The following GRIP2 variants were observed in gnomAD, a reference collection of about 807,000 sequenced individuals.
GRIP2 encodes glutamate receptor interacting protein 2.
A neutral mutation model predicts 108.3 loss-of-function variants in GRIP2; 58 were observed. The observed-to-expected ratio is 0.54, with a 90% CI of 0.43 to 0.67. The LOEUF is 0.67. GRIP2 is among the 30% of genes least tolerant of loss of function. The probability of loss-of-function intolerance (pLI) is 0.00; values close to 1 mark genes in which losing one functional copy is unlikely to be tolerated. For synonymous variants in GRIP2, 586 were observed against 598.2 expected, an observed-to-expected ratio of 0.98 and a Z score of 0.30; for missense variants, 1,278 against 1,430.6, an observed-to-expected ratio of 0.89 and a Z score of 1.72.
chr3:14,542,153 A>ATTTTTTT (rs568064161), upstream of GRIP2: 1 of 990,730 alleles, frequency 1.0e-6, no homozygotes, highest in Non-Finnish European at 1.3e-6. Context: ...TTTATTTTTT[A>ATTTTTTT]TTTTTTTTAT....
At chr3:14,555,795 G>A in intron 1 of GRIP2, 1 of 399,586 alleles carries the variant, frequency 2.5e-6, no homozygotes, top group Non-Finnish European at 4.4e-6. Context: ...AACCCAAAAG[G>A]CTCCGCGAGA....
At chr3:14,544,075 T>C (rs756424307), upstream of GRIP2, among the ~76,000 whole-genome samples, 127 of 152,266 alleles carry the variant, frequency 8.3e-4, 1 homozygote, top group Non-Finnish European at 1.6e-4. Context: ...AGCACACAGG[T>C]CAGACATGCC....
At chr3:14,575,741 G>A in the GRIP2 span, among the ~76,000 whole-genome samples, 466 of 152,338 alleles carry the variant, frequency 3.1e-3, 3 homozygotes, top group Non-Finnish European at 5.5e-3. Flanking sequence ...AGGGGCTGTC[G>A]TAAGGGAGGC....
rs778402500 is a variant in GRIP2 at position 14,513,719 on chromosome 3, G to A, written c.1585C>T (p.Arg529Trp). The A allele has an allele frequency of 2.1e-5, 34 of 1,610,132 alleles. No individual in the cohort carries two copies. Among genetic ancestry groups the A allele is most frequent in the East Asian group, 6.7e-5 (3 of 44,736 alleles). The change falls in exon 13 of 24, where the codon CGG becomes TGG. Residue 529 changes from arginine to tryptophan, a missense_variant. By Grantham distance (101) the Arg-to-Trp change is moderately radical. Coordinates refer to ENST00000621039, the MANE Select transcript of GRIP2 (RefSeq NM_001080423.4). Reference sequence around the variant, plus strand: ...ACCTTGTGGGCCAGTGCGGCGTCCCGCAGGAGCTGGTTGGCTTCCTCCATA... The same window carrying A: ...ACCTTGTGGGCCAGTGCGGCGTCCCACAGGAGCTGGTTGGCTTCCTCCATA... ...GTMEEANQLL[R>W]DAALAHKVVL...
the GRIP2 span, among the ~76,000 whole-genome samples, chr3:14,570,699 A>C: frequency 4.6e-5 from 7 of 152,272 alleles, no homozygotes; most frequent in South Asian, 1.5e-3. Flanking sequence ...TTTTTCTCAA[A>C]TGTATCAGTC....
At chr3:14,554,226 A>T (rs913600500) in intron 1 of GRIP2, among the ~76,000 whole-genome samples, 7 of 152,202 alleles carry the variant, frequency 4.6e-5, no homozygotes, top group Non-Finnish European at 8.8e-5. Flanking sequence ...AGGGAGTAAG[A>T]GCCAGAACAA....
intron 17 of GRIP2, among the ~76,000 whole-genome samples, chr3:14,508,737 A>G (rs779184425): frequency 2.6e-5 from 4 of 152,170 alleles, no homozygotes; most frequent in Non-Finnish European, 4.4e-5. Flanking sequence ...CACACCAGAT[A>G]CGGAAGGTGT....
At chr3:14,562,896 G>A in the GRIP2 span, among the ~76,000 whole-genome samples, 1 of 152,132 alleles carries the variant, frequency 6.6e-6, no homozygotes, top group Non-Finnish European at 1.5e-5. Context: ...TCCAGCTTTA[G>A]CCCCAAATAT....
At chr3:14,602,865 G>A in the GRIP2 span, among the ~76,000 whole-genome samples, 4 of 151,182 alleles carry the variant, frequency 2.6e-5, no homozygotes, top group Non-Finnish European at 5.9e-5. This position sits in a 1 kb window ranked among gnomAD's most constrained non-coding sequence, Gnocchi z 4.7. Flanking sequence ...CTCAGCTCTG[G>A]GTCCGCCCTC....
rs1694414030 is a variant in GRIP2, at chr3:14,521,697, C to T, written c.657G>A (p.Leu219=). The change falls in exon 7 of 24, where the codon CTG becomes CTA. Residue 219 remains leucine, a synonymous_variant. Coordinates refer to ENST00000621039, the MANE Select transcript of GRIP2 (RefSeq NM_001080423.4). This position sits in a 1 kb window ranked among gnomAD's most constrained non-coding sequence, Gnocchi z 5.1. ...AGAGTGCCTCGTGGCTGCACTGCCGCAGGGTGGCCAGGGCGGTGGCATGGC... is the reference window on the plus strand; with the variant it reads ...AGAGTGCCTCGTGGCTGCACTGCCGTAGGGTGGCCAGGGCGGTGGCATGGC... ...GASHATALAT[L]RQCSHEALFQ... 4 of 1,611,606 alleles carry T rather than the reference C, an allele frequency of 2.5e-6. No homozygotes were observed. Among genetic ancestry groups the T allele is most frequent in the African/African-American group, 1.3e-5 (1 of 74,904 alleles).
At position 14,522,833 on chromosome 3, in the gene GRIP2, A is replaced by G. The variant is rs1198607693; in HGVS notation, c.566+167T>C. On this transcript the variant is annotated intron_variant, in intron 6 of 23. Coordinates refer to ENST00000621039, the MANE Select transcript of GRIP2 (RefSeq NM_001080423.4). This position sits in a 1 kb window ranked among gnomAD's most constrained non-coding sequence, Gnocchi z 4.3. ...CGAGGTTTCCCTCATTTGGGGTTAC[A>G]TCCCGGTTCCATCAACAACTCCCTG... The G allele has an allele frequency of 2.9e-5, 18 of 617,062 alleles. No individual in the cohort carries two copies. In the Admixed American group the frequency reaches 4.8e-4, roughly 16 times the overall value. 38.2% of individuals were successfully genotyped at this position (617,062 alleles called of 1,614,324 possible). A position where few individuals can be genotyped will look rare whatever the true frequency, so the allele number is the denominator to read the frequency against.
rs993685634 is a variant in GRIP2 at position 14,521,195 on chromosome 3, C to G, written c.712+447G>C. On this transcript the variant is annotated intron_variant, in intron 7 of 23. Coordinates refer to ENST00000621039, the MANE Select transcript of GRIP2 (RefSeq NM_001080423.4). This position sits in a 1 kb window ranked among gnomAD's most constrained non-coding sequence, Gnocchi z 5.1. ...ACTGTGACCAACCATGCTGGCCATGCTCCTGCCTCAGGGCCTTTGCACTTA... is the reference window on the plus strand; with the variant it reads ...ACTGTGACCAACCATGCTGGCCATGGTCCTGCCTCAGGGCCTTTGCACTTA... 1 of 166,902 alleles carries G rather than the reference C, an allele frequency of 6.0e-6. No individual in the cohort carries two copies. The highest frequency in any genetic ancestry group is 6.0e-5 in the Admixed American group (1 of 16,774). The allele number at this position is 166,902 out of a possible 1,614,324, so 10.3% of individuals were successfully genotyped here. A position where few individuals can be genotyped will look rare whatever the true frequency, so the allele number is the denominator to read the frequency against.
At chr3:14,535,323 C>T (rs1373644651) in intron 1 of GRIP2, among the ~76,000 whole-genome samples, 1 of 152,188 alleles carries the variant, frequency 6.6e-6, no homozygotes, top group South Asian at 2.1e-4. Flanking sequence ...CAAGTCACTT[C>T]TCTCTGAGCC....
In GRIP2 at chr3:14,513,681, C is replaced by T; in HGVS notation, c.1623G>A (p.Val541=). The change falls in exon 13 of 24, where the codon GTG becomes GTA. Residue 541 remains valine (V), a synonymous_variant. Transcript: ENST00000621039. ...CTCACTCACCCGCCACATCGAACTC[C>T]ACCTCCAGCACGACCTTGTGGGCCA... The part of the protein sequence containing the change: ...AALAHKVVLE[V]EFDVAESVIP... 6.2e-7 allele frequency: 1 copy of T among 1,610,302 alleles called. No individual in the cohort carries two copies. The highest frequency in any genetic ancestry group is 8.5e-7 in the Non-Finnish European group (1 of 1,178,512).
Position 14,535,995 on chromosome 3 carries a change from G to A in GRIP2, c.40+4274C>T, listed in dbSNP as rs574446788. 1.5e-3 allele frequency among the ~76,000 whole-genome samples: 226 copies of A among 152,300 alleles called. 3 individuals carry two copies. Among genetic ancestry groups the A allele is most frequent in the African/African-American group, 5.1e-3 (213 of 41,564 alleles). ...CTGAATGACAGTTCCAATCCCCACG[G>A]GCGACAAGCCTCCCAGGAAGCCCAG... On this transcript the variant is annotated intron_variant, in intron 1 of 23. Transcript: ENST00000621039.
At chr3:14,592,614 C>A in the GRIP2 span, among the ~76,000 whole-genome samples, 1 of 152,264 alleles carries the variant, frequency 6.6e-6, no homozygotes, top group South Asian at 2.1e-4. Context: ...ATTAGGAGAC[C>A]CAATTCCCAG....
At chr3:14,495,153 C>T (rs1693553795) in intron 22 of GRIP2, among the ~76,000 whole-genome samples, 164 bp from the exon 23 acceptor site, 1 of 152,098 alleles carries the variant, frequency 6.6e-6, no homozygotes, top group African/African-American at 2.4e-5. Context: ...CCACCCCCGC[C>T]ACCCCGCTCC....
intron 21 of GRIP2, among the ~76,000 whole-genome samples, chr3:14,498,593 G>C (rs1693680644): frequency 7.0e-6 from 1 of 142,060 alleles, no homozygotes; most frequent in Non-Finnish European, 1.5e-5. Flanking sequence ...ATCTTCACCT[G>C]CCTGGGAGCC....
the GRIP2 span, among the ~76,000 whole-genome samples, chr3:14,588,906 G>T: frequency 4.6e-5 from 7 of 152,138 alleles, no homozygotes; most frequent in Non-Finnish European, 1.0e-4. Context: ...CAAGACAGGG[G>T]CCTCATGGCG....
Sources: allele counts gnomAD v4.1 joint callset (sites outside exome capture counted in the v4.1 genomes callset), GRCh38; gene constraint gnomAD v4.1.1; non-coding constraint Gnocchi (gnomAD v3.1); transcripts MANE v1.5; gene names NCBI Gene and HGNC (gene_info 2026-07-23, HGNC 2026-07-21).